CPLX2: variants seen among roughly 807,000 people sequenced by gnomAD.
The protein encoded by CPLX2 is complexin 2.
A neutral mutation model predicts 16.3 loss-of-function variants in CPLX2; 5 were observed. The ratio of observed to expected loss-of-function variants is 0.31; its 90% CI spans 0.16 to 0.64. CPLX2 has a LOEUF of 0.64. CPLX2 is among the 30% of genes least tolerant of loss of function. The probability of loss-of-function intolerance (pLI) is 0.79; values close to 1 mark genes in which losing one functional copy is unlikely to be tolerated. For missense variants in CPLX2, 144 were observed against 181.4 expected (o/e 0.79, Z 1.18); for synonymous variants, 89 against 73.2 (o/e 1.22, Z -1.10).
intron 2 of CPLX2, among the ~76,000 whole-genome samples, chr5:175,828,785 A>G (rs1462205873): frequency 6.6e-6 from 1 of 152,190 alleles, no homozygotes; most frequent in Non-Finnish European, 1.5e-5. Context: ...ACACTCAGGC[A>G]ATTTCTGCCC....
Position 175,879,023 on chromosome 5 carries a change from G to A in CPLX2, c.147G>A (p.Lys49=), listed in dbSNP as rs767016364. The change falls in exon 3 of 4, where the codon AAG becomes AAA. Residue 49 remains lysine, a synonymous_variant. Transcript: ENST00000393745. The part of the protein sequence containing the change: ...EALRQQEEER[K]AKHARMEAER... ...TGCGGCAGCAGGAGGAGGAGCGTAA[G>A]GCCAAGCACGCGCGCATGGAGGCGG... 2.4e-5 allele frequency: 38 copies of A among 1,594,582 alleles called. No homozygotes were observed. In the South Asian group the frequency reaches 4.1e-4, roughly 17 times the overall value.
intron 2 of CPLX2, among the ~76,000 whole-genome samples, chr5:175,859,318 C>A (rs529282310): frequency 7.2e-5 from 11 of 152,318 alleles, no homozygotes; most frequent in East Asian, 3.9e-4. Context: ...GAATAAGAGG[C>A]CTTTCAAATG....
intron 2 of CPLX2, among the ~76,000 whole-genome samples, chr5:175,862,127 A>G (rs1759384514): frequency 6.6e-6 from 1 of 152,202 alleles, no homozygotes; most frequent in African/African-American, 2.4e-5. Flanking sequence ...AGAGACAGAA[A>G]TTTGTGTATT....
At chr5:175,812,102 A>C (rs140176081) in intron 2 of CPLX2, among the ~76,000 whole-genome samples, 185 of 152,308 alleles carry the variant, frequency 1.2e-3, no homozygotes, top group African/African-American at 4.4e-3. Context: ...TGGGGATCTG[A>C]GTGAGATGTG....
chr5:175,842,823 C>T (rs956675359), intron 2 of CPLX2, among the ~76,000 whole-genome samples: 1 of 152,196 alleles, frequency 6.6e-6, no homozygotes, highest in Non-Finnish European at 1.5e-5. Flanking sequence ...ACACCCAACT[C>T]GTGACAACCA....
chr5:175,806,099 C>A (rs117803998), intron 1 of CPLX2, among the ~76,000 whole-genome samples: 1 of 152,180 alleles, frequency 6.6e-6, no homozygotes, highest in Non-Finnish European at 1.5e-5. Flanking sequence ...GGATCTAGAG[C>A]GCAGAGCTGA....
In CPLX2 at chr5:175,800,328, C is replaced by A. The variant is rs150274488; in HGVS notation, c.-169+3544C>A. Among the ~76,000 whole-genome samples, 95 of 152,124 alleles carry A rather than the reference C, an allele frequency of 6.2e-4. No homozygotes were observed. The South Asian group carries it at 8.3e-3, about 13-fold the overall frequency. The stretch of plus-strand genomic sequence containing the variant: ...TCGTAGGTAGAAAATTCAGAGCACA[C>A]GCAAAGAGCTCTTAGCATCCTTGGT... On this transcript the variant is annotated intron_variant, in intron 1 of 4. Coordinates refer to the CPLX2 transcript ENST00000359546.
Position 175,830,600 on chromosome 5 carries a change from G to A in CPLX2, c.-89+21532G>A, listed in dbSNP as rs911876313. ...TAACAAGGACTCTGGTGGTCTCTTC[G>A]AGGGACCCTCATACATAGCTCTGCA... is the stretch of plus-strand genomic sequence containing the variant. On this transcript the variant is annotated intron_variant, in intron 2 of 4. Coordinates refer to the CPLX2 transcript ENST00000359546. The surrounding 1 kb of genome is among the most constrained non-coding windows in gnomAD (Gnocchi z 4.0). 3.3e-5 allele frequency among the ~76,000 whole-genome samples: 5 copies of A among 152,166 alleles called. No individual in the cohort carries two copies. Among genetic ancestry groups the A allele is most frequent in the South Asian group, 2.1e-4 (1 of 4,828 alleles).
At chr5:175,836,034 C>G (rs1758826692) in intron 2 of CPLX2, among the ~76,000 whole-genome samples, 1 of 152,124 alleles carries the variant, frequency 6.6e-6, no homozygotes, top group Non-Finnish European at 1.5e-5. Flanking sequence ...TCACCGCGCC[C>G]AGCCGCAAAT....
intron 1 of CPLX2, among the ~76,000 whole-genome samples, chr5:175,877,503 G>C (rs1329402868): frequency 1.3e-5 from 2 of 152,190 alleles, no homozygotes; most frequent in Non-Finnish European, 2.9e-5. Flanking sequence ...GCAAGGCTGT[G>C]TGGGACAAAA....
intron 1 of CPLX2, among the ~76,000 whole-genome samples, chr5:175,876,514 A>C (rs914173394): frequency 6.6e-6 from 1 of 152,140 alleles, no homozygotes; most frequent in Non-Finnish European, 1.5e-5. Flanking sequence ...GAGTCACAGA[A>C]CCAAGAGAGA....
At chr5:175,871,421 GAGAGAGAGAGAC>G (rs1759595751), upstream of CPLX2, 4 of 114,942 alleles carry the variant, frequency 3.5e-5, 1 homozygote, top group Admixed American at 1.7e-4. Flanking sequence ...GAGAGAGAGA[GAGAGAGAGAGAC>G]AGAGAGAGAG....
intron 1 of CPLX2, among the ~76,000 whole-genome samples, chr5:175,800,456 G>C (rs1758071349): frequency 6.7e-6 from 1 of 149,830 alleles, no homozygotes; most frequent in Non-Finnish European, 1.5e-5. Flanking sequence ...CTGCACTCCA[G>C]CCTGGGCAAC....
At chr5:175,865,538 C>T (rs1425275969) in intron 2 of CPLX2, among the ~76,000 whole-genome samples, 2 of 152,210 alleles carry the variant, frequency 1.3e-5, no homozygotes, top group Non-Finnish European at 2.9e-5. Context: ...AAATCACACT[C>T]CAGGGTCACT....
rs893924354 is a variant in CPLX2, at chr5:175,849,498, C to T, written c.-88-29154C>T. Among the ~76,000 whole-genome samples, 4 of 152,220 alleles carry T rather than the reference C, an allele frequency of 2.6e-5. No homozygotes were observed. Among genetic ancestry groups the T allele is most frequent in the Non-Finnish European group, 5.9e-5 (4 of 68,036 alleles). ...GATGTTAGAGGCACAAAGACTTGAC[C>T]TTGAGGGGCTCCCAGCATGGCTGGG... On this transcript the variant is annotated intron_variant, in intron 2 of 4. Transcript: ENST00000359546. The surrounding 1 kb of genome is among the most constrained non-coding windows in gnomAD (Gnocchi z 4.4).
intron 2 of CPLX2, among the ~76,000 whole-genome samples, chr5:175,836,178 G>C (rs533680395): frequency 3.9e-5 from 6 of 151,992 alleles, no homozygotes; most frequent in East Asian, 1.9e-4. Context: ...GTGAAACCCC[G>C]TCTCTACTAA....
At chr5:175,864,756 G>A (rs1055508153) in intron 2 of CPLX2, among the ~76,000 whole-genome samples, 1 of 152,138 alleles carries the variant, frequency 6.6e-6, no homozygotes, top group South Asian at 2.1e-4. Context: ...GCTACATAGG[G>A]TTGTCATATG....
intron 1 of CPLX2, among the ~76,000 whole-genome samples, chr5:175,874,973 G>T (rs187079666): frequency 2.6e-5 from 4 of 152,310 alleles, no homozygotes; most frequent in South Asian, 4.1e-4. Flanking sequence ...TGGAAAAGGT[G>T]GGGGGAGGGA....
Position 175,849,470 on chromosome 5 carries a change from CTGG to C in CPLX2, c.-88-29181_-88-29179del. On this transcript the variant is annotated intron_variant, in intron 2 of 4. Coordinates refer to the CPLX2 transcript ENST00000359546. The surrounding 1 kb of genome is among the most constrained non-coding windows in gnomAD (Gnocchi z 4.4). ...CTCATGCATGCAGCCGAACCCCACA[CTGG>C]ATGTTAGAGGCACAAAGACTTGACC... Among the ~76,000 whole-genome samples the C allele has an allele frequency of 6.6e-6, 1 of 152,234 alleles. No homozygotes were observed. The highest frequency in any genetic ancestry group is 6.5e-5 in the Admixed American group (1 of 15,290).
Sources: gnomAD v4.1 joint callset for allele counts (sites outside exome capture counted in the v4.1 genomes callset) on GRCh38, gnomAD v4.1.1 for gene constraint, Gnocchi (gnomAD v3.1) non-coding constraint, MANE v1.5 for transcripts, NCBI Gene and HGNC (gene_info 2026-07-23, HGNC 2026-07-21) for gene names.